Variants in GRIP1 observed in about 807,000 individuals in gnomAD.
GRIP1 encodes glutamate receptor interacting protein 1, also known as glutamate receptor-interacting protein 1.
A neutral mutation model predicts 129.9 loss-of-function variants in GRIP1; 45 were observed. The ratio of observed to expected loss-of-function variants is 0.35; its 90% CI spans 0.27 to 0.44. The LOEUF (loss-of-function observed/expected upper bound fraction) is 0.44, where lower values mean the gene tolerates loss of function less well. Ranked by LOEUF, GRIP1 falls within the 20% of genes least tolerant of loss-of-function variation. The pLI is 1.00. For synonymous variants in GRIP1, 530 were observed against 520.8 expected (o/e 1.02, Z -0.24); for missense variants, 1,196 against 1,396.8 (o/e 0.86, Z 2.29).
chr12:66,803,457 C>A (rs1371782483), intron 1 of GRIP1, among the ~76,000 whole-genome samples: 1 of 152,154 alleles, frequency 6.6e-6, no homozygotes, highest in Non-Finnish European at 1.5e-5. Flanking sequence ...AGCTAAGTTT[C>A]AAATGTCTCA....
At chr12:66,364,265 C>CAAAAAAAAAAAAAAAAAA (rs1159887365) in intron 23 of GRIP1, among the ~76,000 whole-genome samples, 2 of 16,346 alleles carry the variant, frequency 1.2e-4, no homozygotes, top group South Asian at 3.7e-3. Flanking sequence ...GACTCCATCT[C>CAAAAAAAAAAAAAAAAAA]AAAAAAAAAA....
chr12:66,646,452 C>T (rs1002547848), intron 1 of GRIP1, among the ~76,000 whole-genome samples: 17 of 152,124 alleles, frequency 1.1e-4, no homozygotes, highest in African/African-American at 2.9e-4. Context: ...GGCAAAACTC[C>T]GTCTCTATGA....
intron 1 of GRIP1, among the ~76,000 whole-genome samples, chr12:66,654,488 T>C (rs1421404437): frequency 6.6e-6 from 1 of 152,196 alleles, no homozygotes; most frequent in Non-Finnish European, 1.5e-5. Context: ...GCTTGGTCCC[T>C]GGTTAAGTAT....
intron 7 of GRIP1, among the ~76,000 whole-genome samples, chr12:66,488,949 T>C (rs4913516): frequency 0.43 from 64,889 of 151,976 alleles, 14,393 homozygotes; most frequent in Middle Eastern, 0.62. Context: ...AATAGACCAA[T>C]AACAAGTTCT....
At chr12:66,653,992 C>T (rs988486202) in intron 1 of GRIP1, among the ~76,000 whole-genome samples, 17 of 152,228 alleles carry the variant, frequency 1.1e-4, no homozygotes, top group African/African-American at 3.9e-4. Flanking sequence ...AGGATCACTG[C>T]AGGAACCAGT....
At chr12:66,484,819 G>A (rs1302708567) in intron 7 of GRIP1, among the ~76,000 whole-genome samples, 2 of 152,286 alleles carry the variant, frequency 1.3e-5, no homozygotes, top group Non-Finnish European at 2.9e-5. Context: ...AGAGCCAGAA[G>A]AGAAGATTTG....
rs76377499 is a variant in GRIP1 at position 66,739,748 on chromosome 12, TA to T, written c.-420+64304del. 1.0e-3 allele frequency among the ~76,000 whole-genome samples: 138 copies of T among 135,172 alleles called. 1 individual carries two copies. Among genetic ancestry groups the T allele is most frequent in the East Asian group, 2.1e-3 (10 of 4,658 alleles). 88.7% of individuals were successfully genotyped at this position (135,172 alleles called of 152,430 possible). On this transcript the variant is annotated intron_variant, in intron 1 of 4. Transcript: ENST00000538373. The stretch of plus-strand genomic sequence containing the variant: ...ATGTATCCCAGAACCTAAAATAAAA[TA>T]AAAAAAAAAAAACCAGTCCTCCATC...
At chr12:66,600,620 G>A (rs1484658453) in intron 1 of GRIP1, among the ~76,000 whole-genome samples, 1 of 152,092 alleles carries the variant, frequency 6.6e-6, no homozygotes, top group Non-Finnish European at 1.5e-5. Context: ...TAGCTATTAA[G>A]TATTGACTTA....
chr12:66,593,834 T>C (rs904831739), intron 2 of GRIP1, among the ~76,000 whole-genome samples: 5 of 151,968 alleles, frequency 3.3e-5, no homozygotes, highest in Non-Finnish European at 5.9e-5. Flanking sequence ...TTTGGGAGGC[T>C]GAGGTGGGCG....
chr12:66,609,641 C>T lies in GRIP1; in HGVS notation c.56-12714G>A, dbSNP rs574768395. Among the ~76,000 whole-genome samples, 17 of 152,306 alleles carry T rather than the reference C, an allele frequency of 1.1e-4. No individual in the cohort carries two copies. In the South Asian group the frequency reaches 3.3e-3, roughly 30 times the overall value. On this transcript the variant is annotated intron_variant, in intron 1 of 24. Coordinates refer to ENST00000359742, the MANE Select transcript of GRIP1 (RefSeq NM_001366722.1). The stretch of plus-strand genomic sequence containing the variant: ...GGTTATGTCTACCTCATCAACTTCA[C>T]TACTTTCTTCCATAAATCTTGCCTG...
At chr12:66,589,194 T>TTCTCTC (rs10582806) in intron 2 of GRIP1, among the ~76,000 whole-genome samples, 4,726 of 95,552 alleles carry the variant, frequency 0.049, 161 homozygotes, top group African/African-American at 0.055. Flanking sequence ...CTCCCCCACC[T>TTCTCTC]TCTCTCTCTC....
chr12:67,017,250 TATC>T (rs1368239609), intron 1 of GRIP1, among the ~76,000 whole-genome samples: 1 of 151,810 alleles, frequency 6.6e-6, no homozygotes, highest in Non-Finnish European at 1.5e-5. Flanking sequence ...CATGAATAGT[TATC>T]ATAAGTCCCC....
chr12:66,637,993 A>C (rs1351192566), intron 1 of GRIP1, among the ~76,000 whole-genome samples: 1 of 152,220 alleles, frequency 6.6e-6, no homozygotes, highest in Non-Finnish European at 1.5e-5. Flanking sequence ...GTGAACACTA[A>C]AAATTCTTTT....
chr12:66,530,439 A>C (rs2061402557), intron 4 of GRIP1, among the ~76,000 whole-genome samples: 1 of 152,234 alleles, frequency 6.6e-6, no homozygotes, highest in South Asian at 2.1e-4. Flanking sequence ...AGCAACCCAG[A>C]TGAAACTTAG....
chr12:66,658,822 G>T (rs1181736141), intron 1 of GRIP1, among the ~76,000 whole-genome samples: 2 of 151,942 alleles, frequency 1.3e-5, no homozygotes, highest in Non-Finnish European at 2.9e-5. Context: ...TACCTGGGAG[G>T]CTGAGGGGGG....
intron 1 of GRIP1, among the ~76,000 whole-genome samples, chr12:66,669,387 C>CAATAAATAAATA (rs76985683): frequency 6.6e-6 from 1 of 151,030 alleles, no homozygotes; most frequent in Non-Finnish European, 1.5e-5. Context: ...GACTCTGTCT[C>CAATAAATAAATA]AATAAATAAA....
At chr12:66,615,564 T>C (rs1194324320) in intron 1 of GRIP1, among the ~76,000 whole-genome samples, 1 of 152,184 alleles carries the variant, frequency 6.6e-6, no homozygotes, top group African/African-American at 2.4e-5. Context: ...CAAGTAAAAA[T>C]AGGACTTTGA....
intron 1 of GRIP1, among the ~76,000 whole-genome samples, chr12:66,656,468 T>C (rs73327003): frequency 0.036 from 5,520 of 152,218 alleles, 356 homozygotes; most frequent in African/African-American, 0.13. Flanking sequence ...CAGACTAAGT[T>C]TCCAGTGTGA....
intron 1 of GRIP1, among the ~76,000 whole-genome samples, chr12:67,047,707 T>C (rs1166624208): frequency 6.6e-6 from 1 of 152,198 alleles, no homozygotes; most frequent in Non-Finnish European, 1.5e-5. Flanking sequence ...TTTCAATTTT[T>C]CACAATTATG....
Sources: gnomAD v4.1 joint callset for allele counts (sites outside exome capture counted in the v4.1 genomes callset) on GRCh38, gnomAD v4.1.1 for gene constraint, MANE v1.5 for transcripts, NCBI Gene and HGNC (gene_info 2026-07-23, HGNC 2026-07-21) for gene names.